The following ASCC1 variants were observed in gnomAD, a reference collection of about 807,000 sequenced individuals.
The protein encoded by ASCC1 is ASC-1 complex subunit P50.
In ASCC1, 35 loss-of-function variants were observed where a neutral mutation model predicts 46.6. That is an observed-to-expected ratio of 0.75 (90% CI 0.57 to 0.99). ASCC1 has a LOEUF of 0.99. ASCC1 is among the 50% of genes least tolerant of loss of function. The probability of loss-of-function intolerance (pLI) is 0.00; values close to 1 mark genes in which losing one functional copy is unlikely to be tolerated. For missense variants in ASCC1, 376 were observed against 428.7 expected, an observed-to-expected ratio of 0.88 and a Z score of 1.09; for synonymous variants, 143 against 146.6, an observed-to-expected ratio of 0.98 and a Z score of 0.18.
Position 72,204,352 on chromosome 10 carries a change from G to A in ASCC1, c.213-828C>T, listed in dbSNP as rs1203287079. The A allele has an allele frequency of 3.2e-6, 5 of 1,543,666 alleles. No homozygotes were observed. The Middle Eastern group carries it at 5.0e-4, about 154-fold the overall frequency. On this transcript the variant is annotated intron_variant, in intron 3 of 9. Coordinates refer to ENST00000672957, the MANE Select transcript of ASCC1 (RefSeq NM_001198800.3). ...AGCCAACTCTCGACTACCCCATGAA[G>A]ACGGGACATGAGCTCACAATCCCCA... is the stretch of plus-strand genomic sequence containing the variant.
intron 5 of ASCC1, among the ~76,000 whole-genome samples, chr10:72,193,152 T>C (rs765438644): frequency 6.6e-6 from 1 of 152,106 alleles, no homozygotes; most frequent in African/African-American, 2.4e-5. Context: ...TGTAAAGAAA[T>C]GAAAACTTAG....
At chr10:72,165,917 T>C (rs989522596) in intron 5 of ASCC1, among the ~76,000 whole-genome samples, 1 of 152,196 alleles carries the variant, frequency 6.6e-6, no homozygotes, top group East Asian at 1.9e-4. Flanking sequence ...GTAATATTTG[T>C]TGGGCCCTTG....
At chr10:72,143,843 T>C (rs1847315911) in intron 7 of ASCC1, among the ~76,000 whole-genome samples, 1 of 151,802 alleles carries the variant, frequency 6.6e-6, no homozygotes, top group Non-Finnish European at 1.5e-5. Flanking sequence ...TTTTCCCTAA[T>C]AAAAAATTAA....
intron 5 of ASCC1, among the ~76,000 whole-genome samples, chr10:72,183,934 A>T (rs1853040794): frequency 6.6e-6 from 1 of 152,130 alleles, no homozygotes; most frequent in Non-Finnish European, 1.5e-5. Flanking sequence ...GCCTGAGGTC[A>T]GGAGTTGGAG....
intron 5 of ASCC1, among the ~76,000 whole-genome samples, chr10:72,190,850 G>A (rs553954965): frequency 4.0e-4 from 60 of 151,294 alleles, no homozygotes; most frequent in African/African-American, 1.3e-3. Context: ...ATAAAAATTC[G>A]CTGGGCGTGG....
At chr10:72,216,370 G>T (rs1859324700), upstream of ASCC1, 2 of 172,750 alleles carry the variant, frequency 1.2e-5, no homozygotes, top group Admixed American at 1.1e-4. Flanking sequence ...GTTTCCTGGG[G>T]ACCCAGCTGG....
At chr10:72,190,172 GGT>G (rs2133167105) in intron 5 of ASCC1, 2 of 763,378 alleles carry the variant, frequency 2.6e-6, no homozygotes, top group South Asian at 2.7e-5. Context: ...AGTTCCTAAG[GGT>G]GCAACTTACG....
chr10:72,159,135 CA>C (rs1849330442), intron 6 of ASCC1: 1 of 152,188 alleles, frequency 6.6e-6, no homozygotes, highest in Non-Finnish European at 1.5e-5. Flanking sequence ...CATCTTTAAA[CA>C]AATTTTTGCA....
chr10:72,148,675 G>A (rs953233745), intron 7 of ASCC1, among the ~76,000 whole-genome samples: 7 of 152,166 alleles, frequency 4.6e-5, no homozygotes, highest in African/African-American at 1.7e-4. Flanking sequence ...AAAATAAAAT[G>A]TGTCAACATT....
At chr10:72,126,817 G>T (rs1021813380) in intron 9 of ASCC1, among the ~76,000 whole-genome samples, 1 of 152,182 alleles carries the variant, frequency 6.6e-6, no homozygotes, top group African/African-American at 2.4e-5. Context: ...AACTACAACT[G>T]AATTCATTAG....
intron 7 of ASCC1, among the ~76,000 whole-genome samples, chr10:72,137,917 G>A (rs963732396): frequency 3.3e-5 from 5 of 151,496 alleles, no homozygotes; most frequent in African/African-American, 9.7e-5. Context: ...AGGCTAGAGT[G>A]CAGTGGCACG....
rs1405511241 is a variant in ASCC1 at position 72,203,447 on chromosome 10, G to T, written c.290C>A (p.Pro97His). 1 of 1,613,296 alleles carries T rather than the reference G, an allele frequency of 6.2e-7. No homozygotes were observed. The highest frequency in any genetic ancestry group is 2.2e-5 in the East Asian group (1 of 44,870). ...ETKTSISIPK[P>H]GQDGEIVITG... The stretch of plus-strand genomic sequence containing the variant: ...CTCACCAATTTCCCCGTCTTGTCCA[G>T]GTTTAGGAATGCTAATAGAAGTTTT... Residue 97 changes from proline (P) to histidine (H), a missense_variant, in exon 4 of 10, where the codon CCT becomes CAT. Transcript: ENST00000672957.
intron 5 of ASCC1, among the ~76,000 whole-genome samples, chr10:72,189,175 C>A (rs535639197): frequency 2.0e-5 from 3 of 151,196 alleles, no homozygotes; most frequent in Non-Finnish European, 4.4e-5. Flanking sequence ...CCGAGGCGGG[C>A]GGATCATGAA....
At chr10:72,137,715 A>G (rs935342733) in intron 7 of ASCC1, among the ~76,000 whole-genome samples, 1 of 152,296 alleles carries the variant, frequency 6.6e-6, no homozygotes, top group East Asian at 1.9e-4. Flanking sequence ...AAAGGAAAAC[A>G]TAACCTCACC....
chr10:72,201,392 A>G (rs1589613258), intron 4 of ASCC1, among the ~76,000 whole-genome samples: 1 of 152,214 alleles, frequency 6.6e-6, no homozygotes, highest in African/African-American at 2.4e-5. Flanking sequence ...ATCTATGAAC[A>G]TTTATGGAAA....
Position 72,138,435 on chromosome 10 carries a change from C to CA in ASCC1, c.747-5255dup, listed in dbSNP as rs1309373288. Reference sequence around the variant, plus strand: ...TAGGATTTCTGACAATTTACAGACTCAAAACTTTGAAGGGACTAATATCCT... The same window carrying CA: ...TAGGATTTCTGACAATTTACAGACTCAAAAACTTTGAAGGGACTAATATCCT... On this transcript the variant is annotated intron_variant, in intron 7 of 9. Coordinates refer to ENST00000672957, the MANE Select transcript of ASCC1 (RefSeq NM_001198800.3). Among the ~76,000 whole-genome samples, 19 of 152,144 alleles carry CA rather than the reference C, an allele frequency of 1.2e-4. No homozygotes were observed. In the East Asian group the frequency reaches 2.9e-3, roughly 23 times the overall value.
intron 8 of ASCC1, 31 bp from the exon 9 acceptor site, chr10:72,128,198 C>T (rs1199162253): frequency 6.3e-7 from 1 of 1,581,012 alleles, no homozygotes; most frequent in South Asian, 1.1e-5. Context: ...ATGTTAGAAG[C>T]TTAGATTGAT....
intron 7 of ASCC1, chr10:72,133,844 G>A (rs1310551547): frequency 6.4e-6 from 1 of 157,052 alleles, no homozygotes; most frequent in Non-Finnish European, 1.4e-5. Context: ...ACTATGATGT[G>A]TCAGGCACAG....
intron 2 of ASCC1, 130 bp downstream of exon 2, chr10:72,213,057 G>A (rs2133534254): frequency 2.9e-6 from 2 of 686,752 alleles, no homozygotes; most frequent in East Asian, 2.8e-5. Context: ...GAACATAAAT[G>A]GAGCTATATG....
Sources: gnomAD v4.1 joint callset for allele counts (sites outside exome capture counted in the v4.1 genomes callset) on GRCh38, gnomAD v4.1.1 for gene constraint, MANE v1.5 for transcripts, NCBI Gene and HGNC (gene_info 2026-07-23, HGNC 2026-07-21) for gene names.